ITGA11: variants seen among roughly 807,000 people sequenced by gnomAD.
ITGA11 encodes the protein integrin subunit alpha 11.
A neutral mutation model predicts 141.9 loss-of-function variants in ITGA11; 97 were observed. The ratio of observed to expected loss-of-function variants is 0.68; its 90% CI spans 0.58 to 0.81. ITGA11 has a LOEUF of 0.81. Among genes scored for constraint, ITGA11 ranks in the 30% least tolerant of loss-of-function variants. The pLI, the probability that ITGA11 is intolerant of heterozygous loss-of-function variation, is 0.00. For missense variants in ITGA11, 1,387 were observed against 1,559.2 expected (o/e 0.89, Z 1.86); for synonymous variants, 658 against 624.6 (o/e 1.05, Z -0.80).
chr15:68,414,406 G>T (rs1896841679), intron 1 of ITGA11, among the ~76,000 whole-genome samples: 1 of 152,188 alleles, frequency 6.6e-6, no homozygotes, highest in Non-Finnish European at 1.5e-5. Flanking sequence ...CAGCAAAGGG[G>T]ACATGGGAGT....
chr15:68,350,493 C>T (rs1280451031), intron 9 of ITGA11, 124 bp downstream of exon 9: 1 of 929,634 alleles, frequency 1.1e-6, no homozygotes, highest in African/African-American at 1.7e-5. Context: ...CCTGGCCTGG[C>T]ATTTATTATT....
Position 68,325,256 on chromosome 15 carries a change from T to C in ITGA11, c.2212-15A>G, listed in dbSNP as rs765327177. On this transcript the variant is annotated splice_polypyrimidine_tract_variant and intron_variant, in intron 17 of 29. Transcript: ENST00000315757. This position sits in a 1 kb window ranked among gnomAD's most constrained non-coding sequence, Gnocchi z 5.5. ...TCAGCAGTGTCCTGGGGGGTGGAGATGAGGGCAGCGGTGAGGGAGGAGAGA... is the reference window on the plus strand; with the variant it reads ...TCAGCAGTGTCCTGGGGGGTGGAGACGAGGGCAGCGGTGAGGGAGGAGAGA... 2 of 1,567,124 alleles carry C rather than the reference T, an allele frequency of 1.3e-6. No homozygotes were observed. Among genetic ancestry groups the C allele is most frequent in the South Asian group, 1.1e-5 (1 of 90,150 alleles).
rs1163471319 is a variant in ITGA11, at chr15:68,333,815, C to G, written c.1426-1337G>C. On this transcript the variant is annotated intron_variant, in intron 12 of 29. Transcript: ENST00000315757. This position sits in a 1 kb window ranked among gnomAD's most constrained non-coding sequence, Gnocchi z 4.2. ...TGCTGGACCAGCCTCCCTCCCCAGC[C>G]TCTGTCCCCACAAGCTCCTGCTCCC... Among the ~76,000 whole-genome samples, 1 of 152,208 alleles carries G rather than the reference C, an allele frequency of 6.6e-6. No homozygotes were observed. Among genetic ancestry groups the G allele is most frequent in the Non-Finnish European group, 1.5e-5 (1 of 68,028 alleles).
chr15:68,410,827 T>C (rs1896756755), intron 1 of ITGA11, among the ~76,000 whole-genome samples: 1 of 152,210 alleles, frequency 6.6e-6, no homozygotes, highest in South Asian at 2.1e-4. Context: ...GGTCCCTACA[T>C]CAGAGAAGCT....
chr15:68,332,735 A>G (rs1450218975), intron 12 of ITGA11, among the ~76,000 whole-genome samples: 1 of 152,032 alleles, frequency 6.6e-6, no homozygotes, highest in Non-Finnish European at 1.5e-5. Context: ...TCTTTCTGTT[A>G]ATTTTGTTGG....
At chr15:68,330,457 A>G (rs1355196440) in intron 15 of ITGA11, among the ~76,000 whole-genome samples, 1 of 150,744 alleles carries the variant, frequency 6.6e-6, no homozygotes, top group African/African-American at 2.4e-5. Flanking sequence ...AAAATATCTC[A>G]TCAACATATA....
chr15:68,323,092 A>G (rs1228481066), intron 18 of ITGA11, among the ~76,000 whole-genome samples: 2 of 152,128 alleles, frequency 1.3e-5, no homozygotes, highest in Non-Finnish European at 2.9e-5. Context: ...CTCGAAGGAG[A>G]GCTCTCTGGC....
chr15:68,342,753 A>G (rs899584997), intron 10 of ITGA11, among the ~76,000 whole-genome samples: 1 of 152,108 alleles, frequency 6.6e-6, no homozygotes, highest in African/African-American at 2.4e-5. Flanking sequence ...TTTGCTTGTT[A>G]CAGCTGGGGG....
rs1266278935 is a variant in ITGA11, at chr15:68,310,917, A to C, written c.3174+77T>G. On this transcript the variant is annotated intron_variant, in intron 26 of 29. Coordinates refer to ENST00000315757, the MANE Select transcript of ITGA11 (RefSeq NM_001004439.2). ...CTTATTGGCAAGCTATTGGGTCGGG[A>C]GGGAAATGGCCCGCAGAGCACCGGC... 8 of 1,108,048 alleles carry C rather than the reference A, an allele frequency of 7.2e-6. No individual in the cohort carries two copies. In the South Asian group the frequency reaches 9.5e-5, roughly 13 times the overall value. 68.6% of individuals were successfully genotyped at this position (1,108,048 alleles called of 1,614,324 possible).
intron 20 of ITGA11, among the ~76,000 whole-genome samples, chr15:68,319,047 A>G (rs909914720): frequency 6.6e-6 from 1 of 152,236 alleles, no homozygotes; most frequent in Non-Finnish European, 1.5e-5. Context: ...TCTTCAGAGC[A>G]CATGAAGGGC....
rs1893977607 is a variant in ITGA11, at chr15:68,326,587, G to C, written c.2211+67C>G. On this transcript the variant is annotated intron_variant, in intron 17 of 29. Transcript: ENST00000315757. This position sits in a 1 kb window ranked among gnomAD's most constrained non-coding sequence, Gnocchi z 6.8. ...TTAGAACCAGCCAGGCAGACTCTCTGCCTCTCCCACGGCAGATGCTCCTTC... is the reference window on the plus strand; with the variant it reads ...TTAGAACCAGCCAGGCAGACTCTCTCCCTCTCCCACGGCAGATGCTCCTTC... 1 of 1,492,628 alleles carries C rather than the reference G, an allele frequency of 6.7e-7. No individual in the cohort carries two copies. Among genetic ancestry groups the C allele is most frequent in the Non-Finnish European group, 9.0e-7 (1 of 1,111,234 alleles). 92.5% of individuals were successfully genotyped at this position (1,492,628 alleles called of 1,614,324 possible). A position where few individuals can be genotyped will look rare whatever the true frequency, so the allele number is the denominator to read the frequency against.
At chr15:68,309,840 C>T (rs1020842) in intron 26 of ITGA11, among the ~76,000 whole-genome samples, 100,539 of 151,998 alleles carry the variant, frequency 0.66, 33,705 homozygotes, top group East Asian at 0.93. Flanking sequence ...CCTGACTTCA[C>T]GATCCACCTG....
intron 26 of ITGA11, among the ~76,000 whole-genome samples, chr15:68,309,073 T>A (rs1034186219): frequency 6.6e-6 from 1 of 152,182 alleles, no homozygotes; most frequent in Non-Finnish European, 1.5e-5. Flanking sequence ...GACATCAAGA[T>A]CCTGAAGCAT....
At chr15:68,377,360 C>T (rs1338600562) in intron 2 of ITGA11, among the ~76,000 whole-genome samples, 2 of 152,242 alleles carry the variant, frequency 1.3e-5, no homozygotes, top group East Asian at 3.9e-4. Context: ...CAACCTCCAC[C>T]CCGCTGGGTT....
chr15:68,415,680 AG>A (rs2140429814), intron 1 of ITGA11, among the ~76,000 whole-genome samples: 1 of 152,268 alleles, frequency 6.6e-6, no homozygotes, highest in Non-Finnish European at 1.5e-5. Flanking sequence ...AGCCCTAGAT[AG>A]GGATGTGCTC....
chr15:68,353,131 CTCT>C (rs2140335346), intron 7 of ITGA11, among the ~76,000 whole-genome samples: 1 of 152,374 alleles, frequency 6.6e-6, no homozygotes, highest in African/African-American at 2.4e-5. Flanking sequence ...TCAGAGGTAT[CTCT>C]TCTTACGCAG....
Position 68,307,219 on chromosome 15 carries a change from G to T in ITGA11, c.3381+129C>A, listed in dbSNP as rs1893227986. 1 of 675,398 alleles carries T rather than the reference G, an allele frequency of 1.5e-6. No homozygotes were observed. 41.8% of individuals were successfully genotyped at this position (675,398 alleles called of 1,614,324 possible). ...CAGCGGCTGCCCTAACAGCCCACAG[G>T]TCTGCCTGATTCTCTCCTGCTGGGA... On this transcript the variant is annotated intron_variant, in intron 28 of 29. Coordinates refer to ENST00000315757, the MANE Select transcript of ITGA11 (RefSeq NM_001004439.2). The surrounding 1 kb of genome is among the most constrained non-coding windows in gnomAD (Gnocchi z 6.1).
rs1015462624 is a variant in ITGA11, at chr15:68,328,939, C to A, written c.1902-677G>T. ...AGGTAACCAAGGAAATACAAATTTA[C>A]CCTTATACCGGCCTAAGTCAAATGT... On this transcript the variant is annotated intron_variant, in intron 15 of 29. Coordinates refer to ENST00000315757, the MANE Select transcript of ITGA11 (RefSeq NM_001004439.2). This position sits in a 1 kb window ranked among gnomAD's most constrained non-coding sequence, Gnocchi z 4.8. 6.6e-6 allele frequency among the ~76,000 whole-genome samples: 1 copy of A among 152,178 alleles called. No individual in the cohort carries two copies. The highest frequency in any genetic ancestry group is 2.4e-5 in the African/African-American group (1 of 41,436).
intron 1 of ITGA11, among the ~76,000 whole-genome samples, chr15:68,414,265 T>C (rs1484220987): frequency 6.6e-6 from 1 of 152,204 alleles, no homozygotes; most frequent in Non-Finnish European, 1.5e-5. Context: ...GGCCTTGGAA[T>C]GACAGAGGCT....
Sources: allele counts gnomAD v4.1 joint callset (sites outside exome capture counted in the v4.1 genomes callset), GRCh38; gene constraint gnomAD v4.1.1; non-coding constraint Gnocchi (gnomAD v3.1); transcripts MANE v1.5; gene names NCBI Gene and HGNC (gene_info 2026-07-23, HGNC 2026-07-21).